Variants in CHSY3 observed in about 807,000 individuals in gnomAD.
CHSY3 encodes the protein chondroitin sulfate synthase 3.
In CHSY3, 35 loss-of-function variants were observed where a neutral mutation model predicts 67.2. The observed-to-expected ratio is 0.52, with a 90% confidence interval of 0.40 to 0.69. CHSY3 has a LOEUF of 0.69. Ranked by LOEUF, CHSY3 falls within the 30% of genes least tolerant of loss-of-function variation. CHSY3 has a pLI of 0.00. For missense variants in CHSY3, 1,069 were observed against 1,138.5 expected (o/e 0.94, Z 0.88); for synonymous variants, 474 against 434.7 (o/e 1.09, Z -1.12).
rs531987528 is a variant in CHSY3, at chr5:130,048,013, A to G, written c.1087-136216A>G. Among the ~76,000 whole-genome samples the G allele has an allele frequency of 1.4e-4, 21 of 151,472 alleles. 1 individual carries two copies. The highest frequency in any genetic ancestry group is 5.1e-4 in the African/African-American group (21 of 40,936). On this transcript the variant is annotated intron_variant, in intron 2 of 2. Transcript: ENST00000305031. Reference sequence around the variant, plus strand: ...ATTTTGCACGCGTGGCTGTAAAAAAAGAAGTAAAGAAAAAGCAAGGAAAGA... The same window carrying G: ...ATTTTGCACGCGTGGCTGTAAAAAAGGAAGTAAAGAAAAAGCAAGGAAAGA...
At chr5:129,954,475 G>A (rs1315047517) in intron 2 of CHSY3, among the ~76,000 whole-genome samples, 1 of 139,154 alleles carries the variant, frequency 7.2e-6, no homozygotes. Context: ...TTTTTTTTTT[G>A]GTTCCATATG....
Position 130,013,133 on chromosome 5 carries a change from A to G in CHSY3, c.1086+104773A>G, listed in dbSNP as rs547484190. ...TTCTAAAATGATTTCCTTTAACTCC[A>G]TGTCTCACTATTGCAAGAGGTGGGC... On this transcript the variant is annotated intron_variant, in intron 2 of 2. Coordinates refer to ENST00000305031, the MANE Select transcript of CHSY3 (RefSeq NM_175856.5). 6.6e-5 allele frequency among the ~76,000 whole-genome samples: 10 copies of G among 152,306 alleles called. No homozygotes were observed. The East Asian group carries it at 1.2e-3, about 18-fold the overall frequency.
intron 2 of CHSY3, among the ~76,000 whole-genome samples, chr5:129,937,313 A>C (rs1022520719): frequency 6.6e-6 from 1 of 152,114 alleles, no homozygotes; most frequent in African/African-American, 2.4e-5. Flanking sequence ...CAAGTGCTAC[A>C]CACTTTGAAA....
chr5:130,003,875 A>C (rs1046753799), intron 2 of CHSY3, among the ~76,000 whole-genome samples: 6 of 152,326 alleles, frequency 3.9e-5, no homozygotes, highest in African/African-American at 1.2e-4. Flanking sequence ...TTTTGGGAAA[A>C]ATCCAACCCT....
intron 2 of CHSY3, among the ~76,000 whole-genome samples, chr5:129,935,284 G>A (rs760888338): frequency 3.8e-4 from 58 of 152,176 alleles, no homozygotes; most frequent in Non-Finnish European, 7.2e-4. Context: ...TCACATATAC[G>A]TGAAATATGA....
chr5:129,934,692 T>C (rs1203779993), intron 2 of CHSY3, among the ~76,000 whole-genome samples: 4 of 152,190 alleles, frequency 2.6e-5, no homozygotes, highest in African/African-American at 7.2e-5. Context: ...TCCTGGATAG[T>C]GCTGGTAATT....
chr5:129,973,733 C>T (rs1762712134), intron 2 of CHSY3, among the ~76,000 whole-genome samples: 1 of 152,108 alleles, frequency 6.6e-6, no homozygotes, highest in Non-Finnish European at 1.5e-5. Flanking sequence ...CATCCCCTTA[C>T]CAAGTGATTG....
intron 2 of CHSY3, among the ~76,000 whole-genome samples, chr5:130,146,667 A>G (rs942566793): frequency 2.0e-5 from 3 of 152,166 alleles, no homozygotes; most frequent in African/African-American, 7.2e-5. Flanking sequence ...AAGGTAATGG[A>G]TACTAAATAC....
chr5:129,905,918 C>T lies in CHSY3; in HGVS notation c.802+287C>T, dbSNP rs571896406. On this transcript the variant is annotated intron_variant, in intron 1 of 2. Coordinates refer to ENST00000305031, the MANE Select transcript of CHSY3 (RefSeq NM_175856.5). The stretch of plus-strand genomic sequence containing the variant: ...GCTTGTCCCTTAGTCTTTACCTCGT[C>T]GGAGAGGTTAGAAAAGGAACCTTAG... The T allele has an allele frequency of 5.2e-6, 3 of 576,560 alleles. No homozygotes were observed. In the South Asian group the frequency reaches 1.0e-4, roughly 19 times the overall value. The allele number at this position is 576,560 out of a possible 1,614,324, so 35.7% of individuals were successfully genotyped here.
rs543746243 is a variant in CHSY3, at chr5:130,052,526, T to C, written c.1087-131703T>C. 8.7e-5 allele frequency among the ~76,000 whole-genome samples: 13 copies of C among 149,996 alleles called. No individual in the cohort carries two copies. In the South Asian group the frequency reaches 2.7e-3, roughly 31 times the overall value. On this transcript the variant is annotated intron_variant, in intron 2 of 2. Transcript: ENST00000305031. ...CATGCCAGTTTACCATCAATAACAA[T>C]TTTTTTTTATTTTGTGAACTTAAAA...
At chr5:130,112,640 A>C (rs1385321491) in intron 2 of CHSY3, among the ~76,000 whole-genome samples, 1 of 152,130 alleles carries the variant, frequency 6.6e-6, no homozygotes, top group Non-Finnish European at 1.5e-5. Flanking sequence ...TGGTGGACAT[A>C]AATTGTTTCT....
At chr5:130,143,804 ATGTGTG>A (rs1554085944) in intron 2 of CHSY3, among the ~76,000 whole-genome samples, 39 of 37,350 alleles carry the variant, frequency 1.0e-3, no homozygotes, top group East Asian at 2.6e-3. Context: ...ATATATATAT[ATGTGTG>A]TATATATATA....
At chr5:130,117,009 C>T (rs1266517408) in intron 2 of CHSY3, among the ~76,000 whole-genome samples, 4 of 152,120 alleles carry the variant, frequency 2.6e-5, no homozygotes, top group Non-Finnish European at 5.9e-5. Context: ...GACTGGAATG[C>T]AGAGCATCCT....
chr5:130,092,526 A>T (rs529363767), intron 2 of CHSY3, among the ~76,000 whole-genome samples: 174 of 152,338 alleles, frequency 1.1e-3, no homozygotes, highest in African/African-American at 3.9e-3. Flanking sequence ...AAGTATTCTG[A>T]TTCCTCAAAG....
At chr5:130,017,774 GC>G (rs1158204116) in intron 2 of CHSY3, among the ~76,000 whole-genome samples, 1 of 151,832 alleles carries the variant, frequency 6.6e-6, no homozygotes, top group Non-Finnish European at 1.5e-5. Context: ...ATAAAATATA[GC>G]TTTTAAAAAC....
intron 1 of CHSY3, 115 bp from the exon 2 acceptor site, chr5:129,907,962 G>C (rs1040265132): frequency 6.9e-7 from 1 of 1,451,040 alleles, no homozygotes; most frequent in Non-Finnish European, 9.1e-7. Flanking sequence ...CTTCTTTTCA[G>C]TTGTGTAAGA....
chr5:130,143,734 G>GTATATATA (rs372062970), intron 2 of CHSY3, among the ~76,000 whole-genome samples: 33 of 94,656 alleles, frequency 3.5e-4, no homozygotes, highest in Non-Finnish European at 6.2e-4. Flanking sequence ...GTGTGTGTGT[G>GTATATATA]TATATATATA....
intron 2 of CHSY3, among the ~76,000 whole-genome samples, chr5:130,173,315 TAATTATC>T (rs982655844): frequency 1.1e-4 from 17 of 152,174 alleles, no homozygotes; most frequent in Non-Finnish European, 2.2e-4. Flanking sequence ...TGTTTGGAAA[TAATTATC>T]AATTCACATA....
intron 2 of CHSY3, among the ~76,000 whole-genome samples, chr5:129,925,943 C>G (rs1164991383): frequency 2.0e-5 from 3 of 151,956 alleles, no homozygotes; most frequent in Non-Finnish European, 4.4e-5. Flanking sequence ...TTTATCACTG[C>G]ATGAGATTGT....
Sources: gnomAD v4.1 joint callset for allele counts (sites outside exome capture counted in the v4.1 genomes callset) on GRCh38, gnomAD v4.1.1 for gene constraint, MANE v1.5 for transcripts, NCBI Gene and HGNC (gene_info 2026-07-23, HGNC 2026-07-21) for gene names.